NR3C2: variants seen among roughly 807,000 people sequenced by gnomAD.
NR3C2 encodes the protein nuclear receptor subfamily 3 group C member 2, also known as mineralocorticoid receptor.
In NR3C2, 15 loss-of-function variants were observed where a neutral mutation model predicts 86.4. That is an observed-to-expected ratio of 0.17 (90% CI 0.12 to 0.27). NR3C2 has a LOEUF of 0.27. NR3C2 is among the 10% of genes least tolerant of loss of function. The pLI is 1.00. For synonymous variants in NR3C2, 458 were observed against 450.5 expected, an observed-to-expected ratio of 1.02 and a Z score of -0.21; for missense variants, 960 against 1,195.6, an observed-to-expected ratio of 0.80 and a Z score of 2.91.
At chr4:148,269,821 A>G (rs1740585000) in intron 2 of NR3C2, among the ~76,000 whole-genome samples, 1 of 152,242 alleles carries the variant, frequency 6.6e-6, no homozygotes, top group African/African-American at 2.4e-5. Context: ...TTTACAACAT[A>G]TATTTTAAGA....
At chr4:148,218,763 T>C (rs891962070) in intron 3 of NR3C2, among the ~76,000 whole-genome samples, 1 of 152,214 alleles carries the variant, frequency 6.6e-6, no homozygotes, top group African/African-American at 2.4e-5. Flanking sequence ...TGAAATCATA[T>C]AATATGGAGT....
chr4:148,323,225 A>T (rs1743732003), intron 2 of NR3C2, among the ~76,000 whole-genome samples: 2 of 138,938 alleles, frequency 1.4e-5, no homozygotes, highest in Non-Finnish European at 3.1e-5. Flanking sequence ...TTGAGGTGGC[A>T]GTCTGCCCGT....
chr4:148,370,516 A>G (rs1199173022), intron 2 of NR3C2, among the ~76,000 whole-genome samples: 1 of 152,174 alleles, frequency 6.6e-6, no homozygotes, highest in African/African-American at 2.4e-5. Flanking sequence ...CAAATACTGT[A>G]TGTGCGTGTA....
chr4:148,165,698 A>C (rs1578961775), intron 4 of NR3C2, among the ~76,000 whole-genome samples: 1 of 152,176 alleles, frequency 6.6e-6, no homozygotes, highest in Admixed American at 6.5e-5. Context: ...AAAATTGCTT[A>C]GTAAGAAAAA....
At chr4:148,416,016 TTC>T (rs1387504432) in intron 2 of NR3C2, among the ~76,000 whole-genome samples, 5 of 152,132 alleles carry the variant, frequency 3.3e-5, no homozygotes, top group African/African-American at 1.2e-4. Context: ...CAGACACAAA[TTC>T]TGTCTATAGA....
At chr4:148,434,486 T>A (rs1279440066) in intron 2 of NR3C2, among the ~76,000 whole-genome samples, 2 of 152,194 alleles carry the variant, frequency 1.3e-5, no homozygotes, top group African/African-American at 2.4e-5. Context: ...AGCAAGATTG[T>A]CCACTTAGTA....
chr4:148,143,160 C>T (rs1042120597), intron 6 of NR3C2, among the ~76,000 whole-genome samples: 15 of 152,166 alleles, frequency 9.9e-5, no homozygotes, highest in African/African-American at 3.6e-4. Flanking sequence ...ATATTTAGAG[C>T]TGAGACAAGA....
At chr4:148,292,685 TAC>T (rs1037328459) in intron 2 of NR3C2, among the ~76,000 whole-genome samples, 7 of 152,052 alleles carry the variant, frequency 4.6e-5, no homozygotes, top group African/African-American at 1.4e-4. Flanking sequence ...GGAATCAGAA[TAC>T]AGAGTATTAA....
At chr4:148,442,809 C>T (rs1437581885), upstream of NR3C2, 8 of 985,308 alleles carry the variant, frequency 8.1e-6, no homozygotes, top group African/African-American at 1.7e-5. Flanking sequence ...CCCCATCGCT[C>T]GGCCGCCCCA....
chr4:148,115,592 T>C (rs1353999696), intron 7 of NR3C2, among the ~76,000 whole-genome samples: 1 of 152,190 alleles, frequency 6.6e-6, no homozygotes, highest in Admixed American at 6.5e-5. Context: ...TGGTGCTGAG[T>C]ATTGTGTGCA....
chr4:148,235,712 G>A (rs1421440203), intron 3 of NR3C2, among the ~76,000 whole-genome samples: 4 of 140,202 alleles, frequency 2.9e-5, no homozygotes, highest in African/African-American at 1.0e-4. Flanking sequence ...TTTAAACCAG[G>A]AGAATTTTTT....
intron 6 of NR3C2, among the ~76,000 whole-genome samples, chr4:148,148,412 G>A (rs1733964956): frequency 6.6e-6 from 1 of 152,196 alleles, no homozygotes; most frequent in Admixed American, 6.5e-5. Flanking sequence ...TGCATTTGGA[G>A]GGATCTTTTC....
intron 2 of NR3C2, among the ~76,000 whole-genome samples, chr4:148,401,517 G>A (rs1400657458): frequency 7.1e-6 from 1 of 141,088 alleles, no homozygotes; most frequent in Non-Finnish European, 1.5e-5. Context: ...AGGCTGGAGT[G>A]CAGTGGCGCA....
At chr4:148,221,907 AAAAAAG>A (rs1737876181) in intron 3 of NR3C2, among the ~76,000 whole-genome samples, 1 of 151,378 alleles carries the variant, frequency 6.6e-6, no homozygotes, top group Non-Finnish European at 1.5e-5. Context: ...AAAAAAAAAA[AAAAAAG>A]AAAAAGTGCT....
rs920062472 is a variant in NR3C2 at position 148,186,847 on chromosome 4, A to G, written c.2014+7899T>C. 6.6e-5 allele frequency among the ~76,000 whole-genome samples: 10 copies of G among 150,572 alleles called. 1 individual carries two copies. Among genetic ancestry groups the G allele is most frequent in the Admixed American group, 6.6e-4 (10 of 15,074 alleles). Reference sequence around the variant, plus strand: ...CCTCATAGCTTAGCTCCCACATACCAGTGACAACATACGATGTTTGGTTTT... The same window carrying G: ...CCTCATAGCTTAGCTCCCACATACCGGTGACAACATACGATGTTTGGTTTT... On this transcript the variant is annotated intron_variant, in intron 4 of 8. Coordinates refer to ENST00000358102, the MANE Select transcript of NR3C2 (RefSeq NM_000901.5).
chr4:148,193,328 G>A (rs930751753), intron 4 of NR3C2, among the ~76,000 whole-genome samples: 1 of 152,206 alleles, frequency 6.6e-6, no homozygotes, highest in Admixed American at 6.5e-5. Context: ...ACAGTAACTG[G>A]GGTGTCTCCC....
chr4:148,304,328 CTTTTTTTTTTT>C lies in NR3C2; in HGVS notation c.1758-44222_1758-44212del, dbSNP rs35633620. On this transcript the variant is annotated intron_variant, in intron 2 of 8. Coordinates refer to ENST00000358102, the MANE Select transcript of NR3C2 (RefSeq NM_000901.5). ...GGCAAAAGGGTAAAAGTTGTTGTTG[CTTTTTTTTTTT>C]TTTTTTTTTTTTTAACCAGTTGGGC... Among the ~76,000 whole-genome samples, 5 of 83,882 alleles carry C rather than the reference CTTTTTTTTTTT, an allele frequency of 6.0e-5. No individual in the cohort carries two copies. In the South Asian group the frequency reaches 1.6e-3, roughly 28 times the overall value. The allele number at this position is 83,882 out of a possible 152,430, so 55.0% of individuals were successfully genotyped here.
chr4:148,130,825 T>TTTTG (rs1733005139), intron 6 of NR3C2, among the ~76,000 whole-genome samples: 1 of 127,398 alleles, frequency 7.8e-6, no homozygotes, highest in African/African-American at 3.1e-5. Context: ...TTTTGTTTTT[T>TTTTG]TTTTTTTTTT....
At chr4:148,157,130 G>A (rs1734432533) in intron 4 of NR3C2, among the ~76,000 whole-genome samples, 1 of 123,562 alleles carries the variant, frequency 8.1e-6, no homozygotes. Flanking sequence ...ACAGGAAGGG[G>A]AACATCACAC....
Sources: gnomAD v4.1 joint callset for allele counts (sites outside exome capture counted in the v4.1 genomes callset) on GRCh38, gnomAD v4.1.1 for gene constraint, MANE v1.5 for transcripts, NCBI Gene and HGNC (gene_info 2026-07-23, HGNC 2026-07-21) for gene names.